Variants in GNA14 observed in about 807,000 individuals in gnomAD.
GNA14 encodes guanine nucleotide-binding protein subunit alpha-14.
A neutral mutation model predicts 42.0 loss-of-function variants in GNA14; 50 were observed. The ratio of observed to expected loss-of-function variants is 1.19; its 90% CI spans 0.95 to 1.51. The LOEUF is 1.51. Ranked by LOEUF, GNA14 falls within the 40% of genes most tolerant of loss-of-function variation. The pLI is 0.00. For missense variants in GNA14, 473 were observed against 446.2 expected, an observed-to-expected ratio of 1.06 and a Z score of -0.54; for synonymous variants, 173 against 163.1, an observed-to-expected ratio of 1.06 and a Z score of -0.46.
intron 1 of GNA14, among the ~76,000 whole-genome samples, chr9:77,546,999 T>C (rs1837727274): frequency 6.6e-6 from 1 of 152,186 alleles, no homozygotes; most frequent in African/African-American, 2.4e-5. Flanking sequence ...TCATCCTACA[T>C]ATAACTCTGT....
In GNA14 at chr9:77,448,696, C is replaced by T. The variant is rs373082311; in HGVS notation, c.310-14174G>A. Among the ~76,000 whole-genome samples the T allele has an allele frequency of 7.9e-4, 121 of 152,220 alleles. 1 individual carries two copies. The highest frequency in any genetic ancestry group is 2.6e-3 in the African/African-American group (106 of 41,518). On this transcript the variant is annotated intron_variant, in intron 2 of 6. Coordinates refer to ENST00000341700, the MANE Select transcript of GNA14 (RefSeq NM_004297.4). ...CTAATTCATTCATTCATCAGGCATG[C>T]GTGTATGCAGCACCCATAAACTCTT...
At chr9:77,439,310 C>G (rs1835688150) in intron 2 of GNA14, among the ~76,000 whole-genome samples, 1 of 152,184 alleles carries the variant, frequency 6.6e-6, no homozygotes, top group Non-Finnish European at 1.5e-5. Flanking sequence ...AAATGAATGA[C>G]TTTCTGTAGA....
intron 1 of GNA14, among the ~76,000 whole-genome samples, chr9:77,606,387 GT>G (rs550299320): frequency 5.3e-4 from 81 of 152,202 alleles, no homozygotes; most frequent in Admixed American, 1.9e-3. Flanking sequence ...CATTAAGTTG[GT>G]TGTTATTTTT....
intron 1 of GNA14, among the ~76,000 whole-genome samples, chr9:77,600,881 T>C (rs1447226323): frequency 6.6e-6 from 1 of 152,220 alleles, no homozygotes; most frequent in African/African-American, 2.4e-5. Flanking sequence ...ATCGCGCCAT[T>C]GCACTCCAGC....
intron 1 of GNA14, among the ~76,000 whole-genome samples, chr9:77,541,993 C>T (rs949042230): frequency 6.6e-6 from 1 of 152,108 alleles, no homozygotes; most frequent in African/African-American, 2.4e-5. Flanking sequence ...CACTGAGCTT[C>T]TTTAAAATCA....
intron 2 of GNA14, among the ~76,000 whole-genome samples, chr9:77,521,680 C>T (rs905835202): frequency 2.6e-5 from 4 of 152,194 alleles, no homozygotes; most frequent in African/African-American, 9.7e-5. Flanking sequence ...CAAAATACTA[C>T]ACTTGATTGC....
chr9:77,558,743 C>G (rs573306045), intron 1 of GNA14, among the ~76,000 whole-genome samples: 1 of 151,972 alleles, frequency 6.6e-6, no homozygotes, highest in Non-Finnish European at 1.5e-5. Context: ...CTGGGGCCTG[C>G]CTTCTGTATA....
chr9:77,544,142 TAA>T (rs1395152661), intron 1 of GNA14, among the ~76,000 whole-genome samples: 1 of 152,186 alleles, frequency 6.6e-6, no homozygotes, highest in Non-Finnish European at 1.5e-5. Flanking sequence ...GTTGCTCCCA[TAA>T]AGAGTTACAC....
chr9:77,436,977 C>T (rs982476682), intron 2 of GNA14, among the ~76,000 whole-genome samples: 5 of 152,190 alleles, frequency 3.3e-5, no homozygotes, highest in African/African-American at 1.2e-4. Flanking sequence ...AGGGCCTCCT[C>T]TCAGAGGAGG....
chr9:77,630,998 T>C (rs1226648137), intron 1 of GNA14, among the ~76,000 whole-genome samples: 2 of 152,180 alleles, frequency 1.3e-5, no homozygotes, highest in South Asian at 2.1e-4. Context: ...TTCCCAGATA[T>C]ATTGTTGAGT....
rs1312976820 is a variant in GNA14 at position 77,519,451 on chromosome 9, A to G, written c.309+9618T>C. On this transcript the variant is annotated intron_variant, in intron 2 of 6. Transcript: ENST00000341700. ...AATTAAAACAAAACCAAAGCCAAAA[A>G]CCTTTTAACAATTTGTTTATATCGG... Among the ~76,000 whole-genome samples the G allele has an allele frequency of 7.2e-5, 11 of 152,020 alleles. No homozygotes were observed. The East Asian group carries it at 1.4e-3, about 19-fold the overall frequency.
At chr9:77,432,553 A>G (rs752558837) in intron 3 of GNA14, among the ~76,000 whole-genome samples, 24 of 150,298 alleles carry the variant, frequency 1.6e-4, no homozygotes, top group South Asian at 4.2e-4. Flanking sequence ...ACATTGTCCA[A>G]TCAGCAGACA....
intron 2 of GNA14, among the ~76,000 whole-genome samples, chr9:77,448,567 T>C (rs1835859179): frequency 6.6e-6 from 1 of 152,226 alleles, no homozygotes; most frequent in Non-Finnish European, 1.5e-5. Context: ...TAATTTATGA[T>C]GGGTTTATCA....
intron 2 of GNA14, among the ~76,000 whole-genome samples, chr9:77,509,435 C>T (rs1837124015): frequency 6.6e-6 from 1 of 152,170 alleles, no homozygotes; most frequent in Non-Finnish European, 1.5e-5. Context: ...CTCTTTGAGA[C>T]CCTGTTTCCA....
chr9:77,481,407 T>C (rs1391260261), intron 2 of GNA14, among the ~76,000 whole-genome samples: 2 of 152,258 alleles, frequency 1.3e-5, no homozygotes, highest in Non-Finnish European at 2.9e-5. Flanking sequence ...CACTATGGTC[T>C]GAGAGACAGT....
At chr9:77,601,963 A>C (rs1370190866) in intron 1 of GNA14, among the ~76,000 whole-genome samples, 1 of 152,230 alleles carries the variant, frequency 6.6e-6, no homozygotes, top group Admixed American at 6.5e-5. Flanking sequence ...CCTAATCTCC[A>C]GACAGACTGT....
intron 2 of GNA14, among the ~76,000 whole-genome samples, chr9:77,470,750 A>G (rs905387537): frequency 6.6e-6 from 1 of 152,206 alleles, no homozygotes; most frequent in Non-Finnish European, 1.5e-5. Flanking sequence ...CACAGGCTGT[A>G]CAAGAAGCAT....
At chr9:77,643,538 C>T (rs1026109557) in intron 1 of GNA14, among the ~76,000 whole-genome samples, 1 of 152,188 alleles carries the variant, frequency 6.6e-6, no homozygotes, top group African/African-American at 2.4e-5. Context: ...CGCACCCAAT[C>T]GGTGTTGTCA....
intron 1 of GNA14, among the ~76,000 whole-genome samples, chr9:77,590,709 T>TAA (rs753393966): frequency 2.1e-5 from 3 of 144,358 alleles, no homozygotes; most frequent in African/African-American, 7.6e-5. Context: ...GGTCACACAT[T>TAA]AAAAAAAAAA....
Sources: gnomAD v4.1 joint callset for allele counts (sites outside exome capture counted in the v4.1 genomes callset) on GRCh38, gnomAD v4.1.1 for gene constraint, MANE v1.5 for transcripts, NCBI Gene and HGNC (gene_info 2026-07-23, HGNC 2026-07-21) for gene names.